KLHL22: variants seen among roughly 807,000 people sequenced by gnomAD.
KLHL22 encodes the protein kelch like family member 22, also known as kelch-like protein 22.
A neutral mutation model predicts 60.7 loss-of-function variants in KLHL22; 18 were observed. That is an observed-to-expected ratio of 0.30 (90% CI 0.20 to 0.44). KLHL22 has a LOEUF of 0.44. Ranked by LOEUF, KLHL22 falls within the 20% of genes least tolerant of loss-of-function variation. KLHL22 has a pLI of 1.00. For synonymous variants in KLHL22, 355 were observed against 354.5 expected, an observed-to-expected ratio of 1.00 and a Z score of -0.01; for missense variants, 596 against 852.3, an observed-to-expected ratio of 0.70 and a Z score of 3.74.
intron 4 of KLHL22, among the ~76,000 whole-genome samples, chr22:20,463,444 C>A (rs998695880): frequency 6.6e-6 from 1 of 152,224 alleles, no homozygotes; most frequent in Non-Finnish European, 1.5e-5. Context: ...CCCCTAGGGA[C>A]AGCTCTGTGG....
chr22:20,444,199 C>G (rs774987405), intron 6 of KLHL22, among the ~76,000 whole-genome samples: 2 of 152,072 alleles, frequency 1.3e-5, no homozygotes, highest in Non-Finnish European at 2.9e-5. Flanking sequence ...AGAAGGCCCT[C>G]AACTGACAGC....
intron 5 of KLHL22, chr22:20,450,909 TCA>T (rs1289841364): frequency 4.3e-6 from 7 of 1,612,630 alleles, no homozygotes; most frequent in Non-Finnish European, 5.9e-6. Context: ...GGCCTGAACT[TCA>T]GAGTCAGATG....
At position 20,484,382 on chromosome 22, in the gene KLHL22, C is replaced by T. The variant is rs192855029; in HGVS notation, c.227+4603G>A. ...CGATCTCAGCTCACTACAACCTCCA[C>T]CTCCCAGGCTCAAGCGATTCTTGAG... On this transcript the variant is annotated intron_variant, in intron 2 of 6. Coordinates refer to ENST00000328879, the MANE Select transcript of KLHL22 (RefSeq NM_032775.4). 2.0e-5 allele frequency among the ~76,000 whole-genome samples: 3 copies of T among 152,278 alleles called. No homozygotes were observed. The East Asian group carries it at 5.8e-4, about 29-fold the overall frequency.
intron 2 of KLHL22, chr22:20,483,426 C>G (rs1251577575): frequency 2.4e-6 from 2 of 832,516 alleles, no homozygotes. Flanking sequence ...AGCTGGCAAT[C>G]TGGTCTTGTA....
rs754766183 is a variant in KLHL22, at chr22:20,464,525, C to T, written c.1112+333G>A. 2.0e-5 allele frequency among the ~76,000 whole-genome samples: 3 copies of T among 152,166 alleles called. No individual in the cohort carries two copies. In the South Asian group the frequency reaches 6.2e-4, roughly 32 times the overall value. On this transcript the variant is annotated intron_variant, in intron 4 of 6. Coordinates refer to ENST00000328879, the MANE Select transcript of KLHL22 (RefSeq NM_032775.4). Reference sequence around the variant, plus strand: ...CTCCTAGGTCCTCTCCATCCCAGTCCGACTGCCTTTCCTGCTGTGGGCTCC... The same window carrying T: ...CTCCTAGGTCCTCTCCATCCCAGTCTGACTGCCTTTCCTGCTGTGGGCTCC...
chr22:20,453,987 G>A lies in KLHL22; in HGVS notation c.1305+3821C>T, dbSNP rs1011556950. 6.6e-5 allele frequency among the ~76,000 whole-genome samples: 10 copies of A among 152,150 alleles called. No homozygotes were observed. The South Asian group carries it at 8.3e-4, about 13-fold the overall frequency. On this transcript the variant is annotated intron_variant, in intron 5 of 6. Coordinates refer to ENST00000328879, the MANE Select transcript of KLHL22 (RefSeq NM_032775.4). ...TGACCTCAAGCGATACACCATCCTC[G>A]GCCTCCCAAAGTGCTGGGATTACAG... is the stretch of plus-strand genomic sequence containing the variant.
intron 6 of KLHL22, among the ~76,000 whole-genome samples, chr22:20,444,348 T>A (rs1411750025): frequency 3.3e-5 from 5 of 152,208 alleles, no homozygotes; most frequent in African/African-American, 1.2e-4. Context: ...AAGGCCCATG[T>A]CAGAGGACTT....
Position 20,482,845 on chromosome 22 carries a change from C to T in KLHL22, c.227+6140G>A. On this transcript the variant is annotated intron_variant, in intron 2 of 6. Coordinates refer to ENST00000328879, the MANE Select transcript of KLHL22 (RefSeq NM_032775.4). ...GTCTCAGAACTTTGGTGTCATTGGT[C>T]TCAGACACCACTTTGCCATCCATTA... 4 of 1,275,652 alleles carry T rather than the reference C, an allele frequency of 3.1e-6. No individual in the cohort carries two copies. The South Asian group carries it at 4.8e-5, about 15-fold the overall frequency. 79.0% of individuals were successfully genotyped at this position (1,275,652 alleles called of 1,614,324 possible).
At chr22:20,447,025 C>A (rs1320906237) in intron 5 of KLHL22, among the ~76,000 whole-genome samples, 1 of 152,124 alleles carries the variant, frequency 6.6e-6, no homozygotes, top group South Asian at 2.1e-4. Context: ...CCCTGGGGAC[C>A]GCTGACCCAC....
At chr22:20,455,618 C>T (rs991938644) in intron 5 of KLHL22, among the ~76,000 whole-genome samples, 41 of 152,184 alleles carry the variant, frequency 2.7e-4, no homozygotes, top group Non-Finnish European at 7.3e-5. Context: ...TTAAGCTTAT[C>T]CAGCTCAAGT....
chr22:20,483,105 T>A, intron 2 of KLHL22: 1 of 647,628 alleles, frequency 1.5e-6, no homozygotes, highest in Non-Finnish European at 2.8e-6. Flanking sequence ...AGCTGCTCCA[T>A]CTACAGGGCA....
intron 2 of KLHL22, among the ~76,000 whole-genome samples, chr22:20,478,573 G>C (rs1220580193): frequency 7.6e-6 from 1 of 132,152 alleles, no homozygotes; most frequent in Non-Finnish European, 1.6e-5. Context: ...GGAGTGCAGT[G>C]GCATGATCTC....
chr22:20,480,191 TG>T (rs1003050656), intron 2 of KLHL22, among the ~76,000 whole-genome samples: 3 of 152,144 alleles, frequency 2.0e-5, no homozygotes, highest in Non-Finnish European at 2.9e-5. Context: ...TGCCAGGGCC[TG>T]GGGGTAAAGG....
intron 4 of KLHL22, among the ~76,000 whole-genome samples, chr22:20,461,632 A>C (rs1204166353): frequency 6.6e-6 from 1 of 151,494 alleles, no homozygotes; most frequent in African/African-American, 2.4e-5. Flanking sequence ...CATGACTATT[A>C]ATGTTTTAAT....
At chr22:20,493,063 A>T in intron 1 of KLHL22, 1 of 442,916 alleles carries the variant, frequency 2.3e-6, no homozygotes, top group Non-Finnish European at 4.7e-6. Context: ...CACCATGACC[A>T]CCGCAGAGTC....
chr22:20,487,593 C>T (rs996476899), intron 2 of KLHL22, among the ~76,000 whole-genome samples: 2 of 152,002 alleles, frequency 1.3e-5, no homozygotes, highest in African/African-American at 4.8e-5. Context: ...AATAATGTTG[C>T]CACTCTCCCG....
At chr22:20,494,876 T>C (rs1365430969) in intron 1 of KLHL22, among the ~76,000 whole-genome samples, 1 of 152,232 alleles carries the variant, frequency 6.6e-6, no homozygotes, top group Non-Finnish European at 1.5e-5. Flanking sequence ...ACGATTTTAC[T>C]GAGTAGATAC....
At chr22:20,462,502 G>A (rs2053172172) in intron 4 of KLHL22, among the ~76,000 whole-genome samples, 1 of 150,912 alleles carries the variant, frequency 6.6e-6, no homozygotes, top group Admixed American at 6.6e-5. Context: ...CTGCAAGCAC[G>A]TACCATCAGG....
intron 3 of KLHL22, among the ~76,000 whole-genome samples, chr22:20,470,163 GC>G (rs2053291232): frequency 6.8e-6 from 1 of 147,212 alleles, no homozygotes; most frequent in South Asian, 2.1e-4. Flanking sequence ...ACATAACAAG[GC>G]CCCATTCCTA....
Sources: gnomAD v4.1 joint callset for allele counts (sites outside exome capture counted in the v4.1 genomes callset) on GRCh38, gnomAD v4.1.1 for gene constraint, MANE v1.5 for transcripts, NCBI Gene and HGNC (gene_info 2026-07-23, HGNC 2026-07-21) for gene names.